The following ATP9B variants were observed in gnomAD, a reference collection of about 807,000 sequenced individuals.
The protein encoded by ATP9B is ATPase phospholipid transporting 9B.
In ATP9B, 110 loss-of-function variants were observed where a neutral mutation model predicts 146.1. The ratio of observed to expected loss-of-function variants is 0.75; its 90% CI spans 0.65 to 0.88. ATP9B has a LOEUF of 0.88. ATP9B is among the 40% of genes least tolerant of loss of function. The pLI, the probability that ATP9B is intolerant of heterozygous loss-of-function variation, is 0.00. For synonymous variants in ATP9B, 604 were observed against 569.7 expected, an observed-to-expected ratio of 1.06 and a Z score of -0.86; for missense variants, 1,499 against 1,496.4, an observed-to-expected ratio of 1.00 and a Z score of -0.03.
At position 79,295,860 on chromosome 18, in the gene ATP9B, G is replaced by C. The variant is rs549038015; in HGVS notation, c.1412-7744G>C. 1.1e-4 allele frequency among the ~76,000 whole-genome samples: 17 copies of C among 152,350 alleles called. 1 individual carries two copies. Among genetic ancestry groups the C allele is most frequent in the African/African-American group, 3.8e-4 (16 of 41,592 alleles). On this transcript the variant is annotated intron_variant, in intron 13 of 29. Coordinates refer to ENST00000426216, the MANE Select transcript of ATP9B (RefSeq NM_198531.5). Reference sequence around the variant, plus strand: ...GGACACTGCAAGAAGGCTCCACTATGATGAGGGCCCTCATCAGACACCAAA... The same window carrying C: ...GGACACTGCAAGAAGGCTCCACTATCATGAGGGCCCTCATCAGACACCAAA...
At chr18:79,157,441 G>GTT (rs1284681397) in intron 7 of ATP9B, among the ~76,000 whole-genome samples, 1 of 140,256 alleles carries the variant, frequency 7.1e-6, no homozygotes, top group Non-Finnish European at 1.5e-5. Context: ...TTGACTTATA[G>GTT]TTTTGGTTTT....
At chr18:79,320,444 G>A (rs2096709002) in intron 15 of ATP9B, among the ~76,000 whole-genome samples, 1 of 152,220 alleles carries the variant, frequency 6.6e-6, no homozygotes, top group South Asian at 2.1e-4. Context: ...CTGGCTGCGC[G>A]GCCGGCACTC....
intron 12 of ATP9B, among the ~76,000 whole-genome samples, chr18:79,262,674 C>T (rs1320281249): frequency 1.3e-5 from 2 of 152,196 alleles, no homozygotes; most frequent in African/African-American, 4.8e-5. Context: ...TTTTGTAATA[C>T]CACAGTCCAT....
chr18:79,264,538 G>GT (rs11350505), intron 12 of ATP9B, among the ~76,000 whole-genome samples: 58 of 150,076 alleles, frequency 3.9e-4, no homozygotes, highest in South Asian at 6.3e-4. Context: ...AATATATGAG[G>GT]TTTTTTTTTT....
At chr18:79,322,294 G>A (rs951590950) in intron 15 of ATP9B, among the ~76,000 whole-genome samples, 4 of 152,220 alleles carry the variant, frequency 2.6e-5, no homozygotes, top group Non-Finnish European at 4.4e-5. Context: ...CAGAGTTGTA[G>A]CGTCCATAGA....
intron 18 of ATP9B, among the ~76,000 whole-genome samples, 153 bp from the exon 19 acceptor site, chr18:79,337,126 G>T (rs1217465057): frequency 6.9e-6 from 1 of 145,290 alleles, no homozygotes; most frequent in South Asian, 2.2e-4. Flanking sequence ...CACAGCCCAT[G>T]CAGTCCAGCT....
intron 23 of ATP9B, 37 bp from the exon 24 acceptor site, chr18:79,347,733 G>A (rs111989631): frequency 2.0e-5 from 30 of 1,495,164 alleles, no homozygotes; most frequent in Admixed American, 6.9e-5. Flanking sequence ...TCCAGCGTCC[G>A]CCATGTTTGA....
At chr18:79,212,803 T>G (rs1286668957) in intron 10 of ATP9B, among the ~76,000 whole-genome samples, 3 of 152,190 alleles carry the variant, frequency 2.0e-5, no homozygotes, top group Non-Finnish European at 2.9e-5. Context: ...GGGGAGCTTA[T>G]ATTCTAAGTG....
rs1304879263 is a variant in ATP9B, at chr18:79,118,384, G to GTTTTTTTTTTTTTTTTTTT, written c.558+5035_558+5036insTTTTTTTTTTTTTTTTTTT. Among the ~76,000 whole-genome samples, 4 of 73,490 alleles carry GTTTTTTTTTTTTTTTTTTT rather than the reference G, an allele frequency of 5.4e-5. 1 individual carries two copies. The highest frequency in any genetic ancestry group is 1.6e-4 in the African/African-American group (3 of 18,676). 48.2% of individuals were successfully genotyped at this position (73,490 alleles called of 152,430 possible). On this transcript the variant is annotated intron_variant, in intron 4 of 29. Coordinates refer to ENST00000426216, the MANE Select transcript of ATP9B (RefSeq NM_198531.5). ...ATTTTAAAACACAATCATATTGAAC[G>GTTTTTTTTTTTTTTTTTTT]TTTTTGTTTTTTTTTTTTTTTTTTT...
intron 6 of ATP9B, among the ~76,000 whole-genome samples, chr18:79,149,611 T>A (rs780376008): frequency 6.6e-6 from 1 of 152,008 alleles, no homozygotes; most frequent in Non-Finnish European, 1.5e-5. Flanking sequence ...GAAAACCATG[T>A]GAATACAATG....
chr18:79,120,577 AAGATTACTTTTCATACTC>A (rs1468194467), intron 4 of ATP9B, among the ~76,000 whole-genome samples: 9 of 152,228 alleles, frequency 5.9e-5, no homozygotes, highest in African/African-American at 2.2e-4. Flanking sequence ...TGTCTGGATG[AAGATTACTTTTCATACTC>A]AGCTTTCAGA....
chr18:79,244,411 G>A (rs759811388), intron 11 of ATP9B, among the ~76,000 whole-genome samples: 3 of 152,034 alleles, frequency 2.0e-5, no homozygotes, highest in Non-Finnish European at 2.9e-5. Flanking sequence ...CTCACATTCT[G>A]AACACTAGAA....
chr18:79,312,807 G>A (rs2096660077), intron 15 of ATP9B, among the ~76,000 whole-genome samples: 1 of 152,126 alleles, frequency 6.6e-6, no homozygotes, highest in Non-Finnish European at 1.5e-5. Flanking sequence ...TGCCTTTTTG[G>A]TACAATGTGA....
At chr18:79,112,601 CA>C (rs886146807) in intron 3 of ATP9B, among the ~76,000 whole-genome samples, 2 of 152,036 alleles carry the variant, frequency 1.3e-5, no homozygotes, top group Non-Finnish European at 2.9e-5. Context: ...TCTGCAATTA[CA>C]ACTTCTTATA....
intron 25 of ATP9B, among the ~76,000 whole-genome samples, chr18:79,356,587 A>T (rs1302932078): frequency 1.3e-5 from 2 of 152,252 alleles, no homozygotes; most frequent in Non-Finnish European, 2.9e-5. Flanking sequence ...AACCTAGATG[A>T]ATCTCCAGAG....
intron 12 of ATP9B, among the ~76,000 whole-genome samples, chr18:79,256,865 C>T (rs1427536067): frequency 6.6e-6 from 1 of 152,198 alleles, no homozygotes; most frequent in Non-Finnish European, 1.5e-5. Flanking sequence ...AATCATCCTA[C>T]ATATTCTTGA....
intron 7 of ATP9B, among the ~76,000 whole-genome samples, chr18:79,167,393 C>T (rs568233538): frequency 2.6e-5 from 4 of 152,082 alleles, no homozygotes; most frequent in Non-Finnish European, 4.4e-5. Flanking sequence ...CAGGTGGTCC[C>T]GATGATTGCA....
At chr18:79,273,605 C>T (rs527295827) in intron 12 of ATP9B, among the ~76,000 whole-genome samples, 66 of 152,272 alleles carry the variant, frequency 4.3e-4, no homozygotes, top group African/African-American at 1.4e-3. Flanking sequence ...GAGAATCTCG[C>T]GCGATTCTCA....
intron 5 of ATP9B, 21 bp downstream of exon 5, chr18:79,126,396 C>T: frequency 6.6e-7 from 1 of 1,523,350 alleles, no homozygotes; most frequent in African/African-American, 1.4e-5. Flanking sequence ...TGCTTTAATC[C>T]TGCTTAGCGT....
Sources: allele counts gnomAD v4.1 joint callset (sites outside exome capture counted in the v4.1 genomes callset), GRCh38; gene constraint gnomAD v4.1.1; transcripts MANE v1.5; gene names NCBI Gene and HGNC (gene_info 2026-07-23, HGNC 2026-07-21).